Variants in PPCDC observed in about 807,000 individuals in gnomAD.
The protein encoded by PPCDC is phosphopantothenoylcysteine decarboxylase.
Under a neutral mutation model 20.7 loss-of-function variants are expected in PPCDC, and 20 were observed. The observed-to-expected ratio is 0.97, with a 90% CI of 0.68 to 1.41. The LOEUF is 1.41. Among genes scored for constraint, PPCDC ranks in the 40% most tolerant of loss-of-function variants. The pLI, the probability that PPCDC is intolerant of heterozygous loss-of-function variation, is 0.00. For synonymous variants in PPCDC, 88 were observed against 100.3 expected, an observed-to-expected ratio of 0.88 and a Z score of 0.73; for missense variants, 246 against 263.8, an observed-to-expected ratio of 0.93 and a Z score of 0.47.
rs1207652829 is a variant in PPCDC, at chr15:75,043,499, TTCCTG to T, written c.197_201del (p.Pro66HisfsTer7). The stretch of plus-strand genomic sequence containing the variant: ...AAACATTTCTACAGCCCCCAGGACA[TTCCTG>T]TCACCCTCTACAGCGACGCTGATGA... On this transcript the variant is annotated frameshift_variant, in exon 3 of 6. Coordinates refer to ENST00000342932, the MANE Select transcript of PPCDC (RefSeq NM_021823.5). LOFTEE classifies it high-confidence loss of function. The T allele has an allele frequency of 4.3e-6, 7 of 1,612,582 alleles. No individual in the cohort carries two copies. Among genetic ancestry groups the T allele is most frequent in the Non-Finnish European group, 5.1e-6 (6 of 1,179,362 alleles).
At position 75,026,822 on chromosome 15, in the gene PPCDC, A is replaced by T. The variant is rs937608430; in HGVS notation, c.-72-1425A>T. Among the ~76,000 whole-genome samples the T allele has an allele frequency of 3.3e-5, 5 of 152,130 alleles. No homozygotes were observed. The East Asian group carries it at 9.7e-4, about 29-fold the overall frequency. ...TTGACTCAAAGTTTCTGCTGGAAGG[A>T]GCTTCAGAGATCATCTGGTCCTACC... On this transcript the variant is annotated intron_variant, in intron 1 of 5. Coordinates refer to ENST00000342932, the MANE Select transcript of PPCDC (RefSeq NM_021823.5).
intron 2 of PPCDC, among the ~76,000 whole-genome samples, chr15:75,035,202 G>T (rs947599125): frequency 1.3e-5 from 2 of 152,068 alleles, no homozygotes; most frequent in Non-Finnish European, 2.9e-5. Context: ...GGTTCTCAAC[G>T]GGGGTGATTT....
intron 2 of PPCDC, among the ~76,000 whole-genome samples, chr15:75,034,222 T>C (rs1258594885): frequency 1.3e-5 from 2 of 152,198 alleles, no homozygotes; most frequent in Non-Finnish European, 2.9e-5. Context: ...TCCTGGGTCC[T>C]ATCAGTGAGT....
At chr15:75,023,698 T>G (rs771933151) in intron 1 of PPCDC, 72 bp downstream of exon 1, 2 of 152,428 alleles carry the variant, frequency 1.3e-5, no homozygotes, top group Non-Finnish European at 2.9e-5. Context: ...GGGAGCTGTG[T>G]CCGCGAGCGT....
chr15:75,043,583 C>T, intron 3 of PPCDC, 47 bp downstream of exon 3: 1 of 1,452,122 alleles, frequency 6.9e-7, no homozygotes, highest in East Asian at 2.4e-5. Context: ...TTTCCACCAG[C>T]AGGACAGAAC....
chr15:75,048,711 C>T lies in PPCDC; in HGVS notation c.519C>T (p.Cys173=), dbSNP rs555373794. 2.5e-6 allele frequency: 4 copies of T among 1,613,898 alleles called. No homozygotes were observed. The African/African-American group carries it at 5.3e-5, about 22-fold the overall frequency. The stretch of plus-strand genomic sequence containing the variant: ...CCTGTGTGGCCAAGAAGCTGGTGTG[C>T]GGAGATGAAGGTGGGTGTCTTGCCA... ...EIPCVAKKLV[C]GDEGLGAMAE... is the part of the protein sequence containing the mutation. The change falls in exon 5 of 6, where the codon TGC becomes TGT. Residue 173 remains cysteine (C), a synonymous_variant. Coordinates refer to ENST00000342932, the MANE Select transcript of PPCDC (RefSeq NM_021823.5).
At chr15:75,037,698 G>A (rs1304232168) in intron 2 of PPCDC, among the ~76,000 whole-genome samples, 3 of 152,210 alleles carry the variant, frequency 2.0e-5, no homozygotes, top group Non-Finnish European at 4.4e-5. Context: ...CCGAGATTGC[G>A]CCGCTGCACT....
chr15:75,050,014 G>C lies in PPCDC; in HGVS notation c.*779G>C, dbSNP rs968280733. On this transcript the variant is annotated 3_prime_UTR_variant, in exon 6 of 6. Coordinates refer to ENST00000342932, the MANE Select transcript of PPCDC (RefSeq NM_021823.5). ...CTTGTTATCCTACCCTCAGGGAGTT[G>C]TTGAGAGGATTCAGTGAAATTTTGT... 9 of 152,206 alleles carry C rather than the reference G, an allele frequency of 5.9e-5. No homozygotes were observed. Among genetic ancestry groups the C allele is most frequent in the Admixed American group, 5.9e-4 (9 of 15,280 alleles). The allele number at this position is 152,206 out of a possible 1,614,324, so 9.4% of individuals were successfully genotyped here.
intron 1 of PPCDC, among the ~76,000 whole-genome samples, chr15:75,026,301 G>A (rs2065959417): frequency 6.6e-6 from 1 of 152,234 alleles, no homozygotes; most frequent in East Asian, 1.9e-4. Flanking sequence ...TACCAATGAT[G>A]TGTTCTGGGA....
chr15:75,027,491 A>G (rs1293455150), intron 1 of PPCDC, among the ~76,000 whole-genome samples: 1 of 152,086 alleles, frequency 6.6e-6, no homozygotes, highest in African/African-American at 2.4e-5. Flanking sequence ...GGTGGTGCCC[A>G]TCTTGATTAA....
chr15:75,035,318 T>C (rs2066072122), intron 2 of PPCDC, among the ~76,000 whole-genome samples: 1 of 152,156 alleles, frequency 6.6e-6, no homozygotes, highest in Non-Finnish European at 1.5e-5. Context: ...AGGCCAGGAA[T>C]GGGCTTGGCG....
At chr15:75,033,194 A>G (rs756530825) in intron 2 of PPCDC, among the ~76,000 whole-genome samples, 1 of 152,252 alleles carries the variant, frequency 6.6e-6, no homozygotes, top group South Asian at 2.1e-4. Flanking sequence ...TTTCATGTCC[A>G]AGACAATTTA....
At chr15:75,027,370 G>A (rs1183669139) in intron 1 of PPCDC, among the ~76,000 whole-genome samples, 2 of 152,150 alleles carry the variant, frequency 1.3e-5, no homozygotes, top group Admixed American at 1.3e-4. Context: ...ATTATCATGA[G>A]TGCACACTTC....
chr15:75,047,937 G>A (rs968230255), intron 4 of PPCDC, among the ~76,000 whole-genome samples: 2 of 152,226 alleles, frequency 1.3e-5, no homozygotes, highest in Non-Finnish European at 2.9e-5. Context: ...CCTGGATTTG[G>A]GAGATGGTGA....
At chr15:75,046,691 G>A (rs1304322009) in intron 4 of PPCDC, among the ~76,000 whole-genome samples, 1 of 152,262 alleles carries the variant, frequency 6.6e-6, no homozygotes, top group Non-Finnish European at 1.5e-5. Context: ...CTCTGTAGCT[G>A]TTTTCTCCCT....
chr15:75,044,465 A>G lies in PPCDC; in HGVS notation c.311A>G (p.Asp104Gly). The change falls in exon 4 of 6, where the codon GAT becomes GGT. Residue 104 changes from aspartate to glycine, a missense_variant. Coordinates refer to ENST00000342932, the MANE Select transcript of PPCDC (RefSeq NM_021823.5). ...GACCTCCTGCTGGTGGCTCCTCTTG[A>G]TGCCAACACTCTGGGGAAGGTGGCC... is the stretch of plus-strand genomic sequence containing the variant. ...WADLLLVAPL[D>G]ANTLGKVASG... 2 of 1,614,150 alleles carry G rather than the reference A, an allele frequency of 1.2e-6. No individual in the cohort carries two copies. Among genetic ancestry groups the G allele is most frequent in the Non-Finnish European group, 1.7e-6 (2 of 1,180,012 alleles).
intron 2 of PPCDC, 87 bp from the exon 3 acceptor site, chr15:75,043,354 G>T (rs2066177734): frequency 1.7e-6 from 2 of 1,168,074 alleles, no homozygotes; most frequent in Non-Finnish European, 2.5e-6. Flanking sequence ...GCACCTGCCT[G>T]CCCTGACCCT....
Position 75,044,397 on chromosome 15 carries a change from C to G in PPCDC, c.243C>G (p.Ser81Arg), listed in dbSNP as rs765649637. The change falls in exon 4 of 6, where the codon AGC becomes AGG. Residue 81 changes from serine (S) to arginine (R), a missense_variant. Coordinates refer to ENST00000342932, the MANE Select transcript of PPCDC (RefSeq NM_021823.5). The stretch of plus-strand genomic sequence containing the variant: ...CTTCCCTCTGCCAGATATGGAAGAG[C>G]CGCTCTGACCCAGTTCTGCACATTG... ...SDADEWEIWK[S>R]RSDPVLHIDL... The G allele has an allele frequency of 3.7e-6, 6 of 1,613,964 alleles. No homozygotes were observed. Among genetic ancestry groups the G allele is most frequent in the Non-Finnish European group, 5.1e-6 (6 of 1,179,934 alleles).
intron 2 of PPCDC, among the ~76,000 whole-genome samples, chr15:75,032,329 C>T (rs1478891090): frequency 6.6e-6 from 1 of 152,162 alleles, no homozygotes; most frequent in African/African-American, 2.4e-5. Context: ...GGGTGTCTGT[C>T]AGGACATCCA....
Sources: gnomAD v4.1 joint callset for allele counts (sites outside exome capture counted in the v4.1 genomes callset) on GRCh38, gnomAD v4.1.1 for gene constraint, MANE v1.5 for transcripts, NCBI Gene and HGNC (gene_info 2026-07-23, HGNC 2026-07-21) for gene names.